TMEM266: variants seen among roughly 807,000 people sequenced by gnomAD.
The protein encoded by TMEM266 is Hv1 related protein 1.
In TMEM266, 33 loss-of-function variants were observed where a neutral mutation model predicts 50.5. The observed-to-expected ratio is 0.65, with a 90% CI of 0.50 to 0.87. The LOEUF (loss-of-function observed/expected upper bound fraction) is 0.87, where lower values mean the gene tolerates loss of function less well. TMEM266 is among the 40% of genes least tolerant of loss of function. The pLI is 0.00. For missense variants in TMEM266, 655 were observed against 695.1 expected (o/e 0.94, Z 0.65); for synonymous variants, 310 against 292.3 (o/e 1.06, Z -0.62).
Position 76,098,698 on chromosome 15 carries a change from G to T in TMEM266, c.-96-35470G>T, listed in dbSNP as rs753522158. Among the ~76,000 whole-genome samples, 6 of 152,044 alleles carry T rather than the reference G, an allele frequency of 3.9e-5. 1 individual carries two copies. The highest frequency in any genetic ancestry group is 8.8e-5 in the Non-Finnish European group (6 of 68,000). ...CACCCACAGCCGCCCCTTTCCCCAG[G>T]TGCTCTGTCCCTTGGAGATGGGGAT... is the stretch of plus-strand genomic sequence containing the variant. On this transcript the variant is annotated intron_variant, in intron 1 of 10. Transcript: ENST00000388942.
At chr15:76,203,672 C>A (rs760434972) in intron 10 of TMEM266, 69 bp from the exon 11 acceptor site, 298 of 1,476,990 alleles carry the variant, frequency 2.0e-4, no homozygotes, top group Non-Finnish European at 2.6e-4. Context: ...CGGCTCAGAC[C>A]TGCTCTCTTC....
At chr15:76,191,831 G>C in intron 8 of TMEM266, 137 bp from the exon 9 acceptor site, 1 of 780,904 alleles carries the variant, frequency 1.3e-6, no homozygotes, top group Non-Finnish European at 1.9e-6. Context: ...GATTCCTAAG[G>C]AATCATCCAG....
chr15:76,132,826 A>G (rs1194294953), intron 1 of TMEM266, among the ~76,000 whole-genome samples: 3 of 91,074 alleles, frequency 3.3e-5, no homozygotes, highest in Non-Finnish European at 6.0e-5. Context: ...TATTATTATT[A>G]TTATTATTAT....
At chr15:76,092,941 G>A (rs1262981239) in intron 1 of TMEM266, among the ~76,000 whole-genome samples, 1 of 149,718 alleles carries the variant, frequency 6.7e-6, no homozygotes, top group East Asian at 2.0e-4. Flanking sequence ...CTGAGTAGCT[G>A]GGATTACAGG....
At chr15:76,175,956 C>T (rs1057331133) in intron 8 of TMEM266, 12 of 304,100 alleles carry the variant, frequency 3.9e-5, no homozygotes, top group African/African-American at 1.1e-4. Context: ...TCTGCCAAGT[C>T]GCCCCCTCAG....
intron 1 of TMEM266, among the ~76,000 whole-genome samples, chr15:76,123,484 A>G (rs1405630687): frequency 3.3e-5 from 5 of 152,166 alleles, no homozygotes; most frequent in Non-Finnish European, 7.4e-5. Context: ...AAAGAACCCC[A>G]AGGTTTTGTG....
intron 1 of TMEM266, among the ~76,000 whole-genome samples, chr15:76,090,040 G>A (rs1247983391): frequency 2.0e-5 from 3 of 152,278 alleles, no homozygotes; most frequent in African/African-American, 7.2e-5. Context: ...GATTTGGATA[G>A]ACTAATTTTG....
intron 8 of TMEM266, among the ~76,000 whole-genome samples, chr15:76,187,691 G>A (rs187290564): frequency 6.6e-6 from 1 of 152,334 alleles, no homozygotes; most frequent in East Asian, 1.9e-4. Flanking sequence ...GGCTGAGTCT[G>A]TGACCAGCAT....
At chr15:76,145,077 G>A (rs148030651) in intron 3 of TMEM266, among the ~76,000 whole-genome samples, 12 of 152,316 alleles carry the variant, frequency 7.9e-5, no homozygotes, top group African/African-American at 2.9e-4. Context: ...GGAGTCCAGG[G>A]CAAGGGTGGC....
At chr15:76,125,570 G>C (rs1044356567) in intron 1 of TMEM266, among the ~76,000 whole-genome samples, 1 of 151,896 alleles carries the variant, frequency 6.6e-6, no homozygotes, top group Non-Finnish European at 1.5e-5. Context: ...AAATGGGGCT[G>C]GGCATGGTGG....
chr15:76,146,693 A>C (rs2037762200), intron 3 of TMEM266, among the ~76,000 whole-genome samples: 1 of 152,250 alleles, frequency 6.6e-6, no homozygotes, highest in South Asian at 2.1e-4. Context: ...CTGGGGACAA[A>C]GAAAAAGGAG....
At chr15:76,074,579 C>T (rs1024458388) in intron 1 of TMEM266, among the ~76,000 whole-genome samples, 2 of 151,776 alleles carry the variant, frequency 1.3e-5, no homozygotes, top group East Asian at 1.9e-4. Context: ...ATGAGAATGT[C>T]GAGATTAAGG....
intron 1 of TMEM266, among the ~76,000 whole-genome samples, chr15:76,071,542 C>G (rs143853456): frequency 2.8e-4 from 43 of 152,256 alleles, no homozygotes; most frequent in African/African-American, 9.4e-4. Flanking sequence ...CCATTTGGTG[C>G]CCCTAACTCA....
At position 76,154,293 on chromosome 15, in the gene TMEM266, C is replaced by T. The variant is rs567388260; in HGVS notation, c.228-2311C>T. Among the ~76,000 whole-genome samples the T allele has an allele frequency of 9.2e-5, 14 of 152,314 alleles. No individual in the cohort carries two copies. The South Asian group carries it at 1.5e-3, about 16-fold the overall frequency. On this transcript the variant is annotated intron_variant, in intron 3 of 10. Transcript: ENST00000388942. Reference sequence around the variant, plus strand: ...AGTTGGGATGTAACTGGACATACTGCGCTTGATCTGGCAACCCTCCTGAGC... The same window carrying T: ...AGTTGGGATGTAACTGGACATACTGTGCTTGATCTGGCAACCCTCCTGAGC...
In TMEM266 at chr15:76,203,734, C is replaced by G; in HGVS notation, c.1022-7C>G. On this transcript the variant is annotated splice_polypyrimidine_tract_variant and splice_region_variant and intron_variant, in intron 10 of 10. Coordinates refer to ENST00000388942, the MANE Select transcript of TMEM266 (RefSeq NM_152335.3). ...AAGTGTGACCAAGATCCCCTCCTACCTTGCAGACAGCGGTGTCCCAGAGCC... is the reference window on the plus strand; with the variant it reads ...AAGTGTGACCAAGATCCCCTCCTACGTTGCAGACAGCGGTGTCCCAGAGCC... 6.2e-7 allele frequency: 1 copy of G among 1,608,810 alleles called. No homozygotes were observed. Among genetic ancestry groups the G allele is most frequent in the East Asian group, 2.2e-5 (1 of 44,794 alleles).
chr15:76,106,720 A>G (rs2037085685), intron 1 of TMEM266, among the ~76,000 whole-genome samples: 1 of 152,252 alleles, frequency 6.6e-6, no homozygotes. Flanking sequence ...TGCTGGGATT[A>G]CAGGCGTGAG....
chr15:76,098,976 C>T (rs939801093), intron 1 of TMEM266, among the ~76,000 whole-genome samples: 1 of 152,178 alleles, frequency 6.6e-6, no homozygotes, highest in African/African-American at 2.4e-5. Context: ...GCTGTGCTGG[C>T]AGTGGGAATT....
At chr15:76,199,652 G>A (rs563436760) in intron 9 of TMEM266, among the ~76,000 whole-genome samples, 5 of 152,330 alleles carry the variant, frequency 3.3e-5, no homozygotes, top group African/African-American at 1.2e-4. Context: ...ATCGGATCTC[G>A]GGGCACTTGG....
At chr15:76,110,876 ATGAAAAG>A (rs1567154344) in intron 1 of TMEM266, among the ~76,000 whole-genome samples, 2 of 152,228 alleles carry the variant, frequency 1.3e-5, no homozygotes, top group Non-Finnish European at 1.5e-5. Flanking sequence ...AAATAAGCAT[ATGAAAAG>A]ATCTTCAGCA....
Sources: allele counts gnomAD v4.1 joint callset (sites outside exome capture counted in the v4.1 genomes callset), GRCh38; gene constraint gnomAD v4.1.1; transcripts MANE v1.5; gene names NCBI Gene and HGNC (gene_info 2026-07-23, HGNC 2026-07-21).